PLXNB1: variants seen among roughly 807,000 people sequenced by gnomAD.
PLXNB1 encodes plexin B1, also known as plexin-B1.
PLXNB1 carries 106 observed loss-of-function variants against 209.4 expected under a neutral mutation model. The observed-to-expected ratio is 0.51, with a 90% confidence interval of 0.43 to 0.59. PLXNB1 has a LOEUF of 0.59. Among genes scored for constraint, PLXNB1 ranks in the 20% least tolerant of loss-of-function variants. PLXNB1 has a pLI of 0.00. For synonymous variants in PLXNB1, 1,167 were observed against 1,183.2 expected (o/e 0.99, Z 0.28); for missense variants, 2,357 against 2,853.2 (o/e 0.83, Z 3.96).
chr3:48,416,939 T>C lies in PLXNB1; in HGVS notation c.3375-488A>G, dbSNP rs2038140274. 1 of 152,538 alleles carries C rather than the reference T, an allele frequency of 6.6e-6. No individual in the cohort carries two copies. The highest frequency in any genetic ancestry group is 6.5e-5 in the Admixed American group (1 of 15,304). The allele number at this position is 152,538 out of a possible 1,614,324, so 9.4% of individuals were successfully genotyped here. A position where few individuals can be genotyped will look rare whatever the true frequency, so the allele number is the denominator to read the frequency against. On this transcript the variant is annotated intron_variant, in intron 16 of 37. Transcript: ENST00000296440. The surrounding 1 kb of genome is among the most constrained non-coding windows in gnomAD (Gnocchi z 4.1). Reference sequence around the variant, plus strand: ...AACCATCTAAGAAAATGCTGGTTCTTAGCCAGAAAATAGAAGCTTGGGCAA... The same window carrying C: ...AACCATCTAAGAAAATGCTGGTTCTCAGCCAGAAAATAGAAGCTTGGGCAA...
rs2038148417 is a variant in PLXNB1, at chr3:48,417,073, C to G, written c.3375-622G>C. ...TGACGTGTGAGCCACCCAGGGGAGG[C>G]TCCAGACAGAATATATGCTAATTGC... is the stretch of plus-strand genomic sequence containing the variant. On this transcript the variant is annotated intron_variant, in intron 16 of 37. Transcript: ENST00000296440. The surrounding 1 kb of genome is among the most constrained non-coding windows in gnomAD (Gnocchi z 4.4). 6.6e-6 allele frequency among the ~76,000 whole-genome samples: 1 copy of G among 152,218 alleles called. No homozygotes were observed. Among genetic ancestry groups the G allele is most frequent in the South Asian group, 2.1e-4 (1 of 4,832 alleles).
chr3:48,407,881 C>T (rs2037408430), intron 34 of PLXNB1, among the ~76,000 whole-genome samples: 1 of 152,238 alleles, frequency 6.6e-6, no homozygotes, highest in African/African-American at 2.4e-5. Flanking sequence ...ATAGGGTCTA[C>T]CCTGGAGGTG....
chr3:48,415,001 G>A lies in PLXNB1; in HGVS notation c.4007C>T (p.Thr1336Met), dbSNP rs773563319. Reference sequence around the variant, plus strand: ...GCCTGGGAGGGCAGGTGTGCGGCACGTGATGAGCTGGGAGGAGTTGACATG... The same window carrying A: ...GCCTGGGAGGGCAGGTGTGCGGCACATGATGAGCTGGGAGGAGTTGACATG... ...PCHVNSSQLI[T>M]CRTPALPGLP... Residue 1336 changes from threonine (T) to methionine (M), a missense_variant, in exon 21 of 38, where the codon ACG (threonine) becomes ATG (methionine). By Grantham distance (81) the Thr-to-Met change is moderately conservative (BLOSUM62 -1). Coordinates refer to ENST00000296440, the MANE Select transcript of PLXNB1 (RefSeq NM_001130082.3). This position sits in a 1 kb window ranked among gnomAD's most constrained non-coding sequence, Gnocchi z 5.0. The A allele has an allele frequency of 1.4e-5, 23 of 1,613,478 alleles. No homozygotes were observed. Among genetic ancestry groups the A allele is most frequent in the Admixed American group, 1.7e-5 (1 of 60,012 alleles).
Position 48,420,306 on chromosome 3 carries a change from C to T in PLXNB1, c.2029-49G>A, listed in dbSNP as rs1020111079. The T allele has an allele frequency of 1.4e-5, 16 of 1,151,454 alleles. 1 individual carries two copies. Among genetic ancestry groups the T allele is most frequent in the African/African-American group, 6.1e-5 (4 of 65,342 alleles). 71.3% of individuals were successfully genotyped at this position (1,151,454 alleles called of 1,614,324 possible). ...CAGGAAGGGCCACTCAGCAGGCAGG[C>T]GCGGGACAGGAGGCAGGCAGGCACA... On this transcript the variant is annotated intron_variant, in intron 10 of 37. Transcript: ENST00000296440.
intron 3 of PLXNB1, among the ~76,000 whole-genome samples, chr3:48,423,213 C>A (rs192709077): frequency 9.9e-5 from 15 of 152,270 alleles, no homozygotes; most frequent in African/African-American, 3.1e-4. Flanking sequence ...CATTCTAGGT[C>A]CCTGTCCCTA....
chr3:48,424,622 C>T lies in PLXNB1; in HGVS notation c.-6-5G>A. The T allele has an allele frequency of 6.5e-7, 1 of 1,535,076 alleles. No homozygotes were observed. The highest frequency in any genetic ancestry group is 8.7e-7 in the Non-Finnish European group (1 of 1,145,800). ...GCCCAGAGCAGGCATGGTCACCTGGCAGGAAGAGAGGTCGAGAGAGTGGGG... is the reference window on the plus strand; with the variant it reads ...GCCCAGAGCAGGCATGGTCACCTGGTAGGAAGAGAGGTCGAGAGAGTGGGG... On this transcript the variant is annotated splice_region_variant and splice_polypyrimidine_tract_variant and intron_variant, in intron 2 of 37. Transcript: ENST00000296440.
chr3:48,417,869 C>G lies in PLXNB1; in HGVS notation c.3374+42G>C, dbSNP rs1191840592. On this transcript the variant is annotated intron_variant, in intron 16 of 37. Transcript: ENST00000296440. The surrounding 1 kb of genome is among the most constrained non-coding windows in gnomAD (Gnocchi z 4.4). ...CAAGCAGCAACGCCAACCGCGGAGG[C>G]CCCAGGCTGCGCCGTGCTCCTGCTG... 1 of 1,576,072 alleles carries G rather than the reference C, an allele frequency of 6.3e-7. No homozygotes were observed. Among genetic ancestry groups the G allele is most frequent in the Non-Finnish European group, 8.6e-7 (1 of 1,157,316 alleles).
chr3:48,421,882 C>A, intron 6 of PLXNB1, 76 bp from the exon 7 acceptor site: 1 of 1,535,802 alleles, frequency 6.5e-7, no homozygotes. Flanking sequence ...CTCCTACAAT[C>A]TGGAGGACCT....
Position 48,406,749 on chromosome 3 carries a change from G to C in PLXNB1, c.6228+74C>G. On this transcript the variant is annotated intron_variant, in intron 36 of 37. Transcript: ENST00000296440. This position sits in a 1 kb window ranked among gnomAD's most constrained non-coding sequence, Gnocchi z 4.4. Reference sequence around the variant, plus strand: ...GGTTCCCAAGGGCTTCCCTGCAAAGGGGCAGTGTGAAGGGGGAAGGACCGT... The same window carrying C: ...GGTTCCCAAGGGCTTCCCTGCAAAGCGGCAGTGTGAAGGGGGAAGGACCGT... The C allele has an allele frequency of 6.6e-7, 1 of 1,522,024 alleles. No individual in the cohort carries two copies. The allele number at this position is 1,522,024 out of a possible 1,614,324, so 94.3% of individuals were successfully genotyped here. A position where few individuals can be genotyped will look rare whatever the true frequency, so the allele number is the denominator to read the frequency against.
chr3:48,413,857 G>C lies in PLXNB1; in HGVS notation c.4386+38C>G. ...CACCTGTGAGCAAGGGTTTGGCCCA[G>C]GTCAATGCCCAGCCCGGCCAGGGAC... On this transcript the variant is annotated intron_variant, in intron 22 of 37. Transcript: ENST00000296440. The surrounding 1 kb of genome is among the most constrained non-coding windows in gnomAD (Gnocchi z 5.4). The C allele has an allele frequency of 6.2e-7, 1 of 1,608,648 alleles. No individual in the cohort carries two copies.
At position 48,410,110 on chromosome 3, in the gene PLXNB1, C is replaced by T. The variant is rs761569516; in HGVS notation, c.5606-33G>A. 2 of 1,544,974 alleles carry T rather than the reference C, an allele frequency of 1.3e-6. No individual in the cohort carries two copies. The highest frequency in any genetic ancestry group is 1.8e-6 in the Non-Finnish European group (2 of 1,141,472). ...AAGAGCCCACAGCTGTCACCCCTCC[C>T]CAGGTGCCACCTCCCCAGGCCCCCT... On this transcript the variant is annotated intron_variant, in intron 31 of 37. Coordinates refer to ENST00000296440, the MANE Select transcript of PLXNB1 (RefSeq NM_001130082.3). This position sits in a 1 kb window ranked among gnomAD's most constrained non-coding sequence, Gnocchi z 6.4.
intron 4 of PLXNB1, 83 bp downstream of exon 4, chr3:48,422,682 G>T (rs2038610707): frequency 2.1e-6 from 3 of 1,455,686 alleles, no homozygotes; most frequent in South Asian, 1.3e-5. Flanking sequence ...GGGGTCACAG[G>T]GATAGCTTAA....
At chr3:48,427,124 T>A (rs1481556493) in intron 1 of PLXNB1, among the ~76,000 whole-genome samples, 1 of 151,782 alleles carries the variant, frequency 6.6e-6, no homozygotes, top group African/African-American at 2.4e-5. Context: ...CCACTCCCCA[T>A]ATGTGAAATC....
At position 48,412,555 on chromosome 3, in the gene PLXNB1, C is replaced by A; in HGVS notation, c.4920G>T (p.Leu1640=). 1 of 1,613,646 alleles carries A rather than the reference C, an allele frequency of 6.2e-7. No homozygotes were observed. The highest frequency in any genetic ancestry group is 2.2e-5 in the East Asian group (1 of 44,876). Residue 1640 remains leucine, a synonymous_variant, in exon 26 of 38, where the codon CTG becomes CTT. Coordinates refer to ENST00000296440, the MANE Select transcript of PLXNB1 (RefSeq NM_001130082.3). ...GCTTCCCATGCAGTGCCACGGTGAG[C>A]AGAGATGCCACGTAGGCACGGTCCC... ...SARDRAYVAS[L]LTVALHGKLE... is the part of the protein sequence containing the mutation.
rs769284710 is a variant in PLXNB1, at chr3:48,409,544, C to T, written c.5939+27G>A. 1.2e-6 allele frequency: 2 copies of T among 1,613,766 alleles called. No individual in the cohort carries two copies. Among genetic ancestry groups the T allele is most frequent in the Non-Finnish European group, 1.7e-6 (2 of 1,179,746 alleles). On this transcript the variant is annotated intron_variant, in intron 33 of 37. Transcript: ENST00000296440. This position sits in a 1 kb window ranked among gnomAD's most constrained non-coding sequence, Gnocchi z 5.8. The stretch of plus-strand genomic sequence containing the variant: ...CAGAAGAGAAGACCCCCCACACACA[C>T]CTAGAGCCCACCCAGCTCCACCCCA...
rs1271626324 is a variant in PLXNB1 at position 48,405,361 on chromosome 3, G to A, written c.6303+363C>T. 7.9e-5 allele frequency among the ~76,000 whole-genome samples: 12 copies of A among 152,268 alleles called. No homozygotes were observed. Among genetic ancestry groups the A allele is most frequent in the African/African-American group, 2.4e-5 (1 of 41,556 alleles). ...GCCCTGTGCCTGGACTCTCCTCTTC[G>A]CAGCTCATGCAGCCAAGCCAGGCCT... On this transcript the variant is annotated intron_variant, in intron 37 of 37. Coordinates refer to ENST00000296440, the MANE Select transcript of PLXNB1 (RefSeq NM_001130082.3). The surrounding 1 kb of genome is among the most constrained non-coding windows in gnomAD (Gnocchi z 5.0).
In PLXNB1 at chr3:48,409,773, C is replaced by T. The variant is rs1190671802; in HGVS notation, c.5779-42G>A. On this transcript the variant is annotated intron_variant, in intron 32 of 37. Coordinates refer to ENST00000296440, the MANE Select transcript of PLXNB1 (RefSeq NM_001130082.3). This position sits in a 1 kb window ranked among gnomAD's most constrained non-coding sequence, Gnocchi z 5.8. ...GCAGAGAGGTGTGGTCAGCAAAGGG[C>T]CCTCAGCAGCAGCCCAGCCTCAGAC... 1.3e-6 allele frequency: 2 copies of T among 1,599,866 alleles called. No individual in the cohort carries two copies. The highest frequency in any genetic ancestry group is 1.7e-6 in the Non-Finnish European group (2 of 1,171,426).
chr3:48,407,257 C>T (rs1303698027), intron 34 of PLXNB1, among the ~76,000 whole-genome samples, 166 bp from the exon 35 acceptor site: 4 of 152,056 alleles, frequency 2.6e-5, no homozygotes, highest in African/African-American at 7.3e-5. Flanking sequence ...AGGTGGTCAC[C>T]CTCGCCTACT....
chr3:48,423,861 C>T lies in PLXNB1; in HGVS notation c.751G>A (p.Val251Met), dbSNP rs1426223329. The T allele has an allele frequency of 6.2e-7, 1 of 1,614,048 alleles. No individual in the cohort carries two copies. The highest frequency in any genetic ancestry group is 1.7e-5 in the Admixed American group (1 of 60,032). ...TAGTAGTGCTGGTCCCGGAGACACA[C>T]TCGAGATACATAGGCACGAAAAGCT... ...SRAFRAYVSR[V>M]CLRDQHYYSY... The change falls in exon 3 of 38, where the codon GTG becomes ATG. Residue 251 changes from valine to methionine, a missense_variant. By Grantham distance (21) the Val-to-Met change is conservative. Transcript: ENST00000296440.
Sources: allele counts gnomAD v4.1 joint callset (sites outside exome capture counted in the v4.1 genomes callset), GRCh38; gene constraint gnomAD v4.1.1; non-coding constraint Gnocchi (gnomAD v3.1); transcripts MANE v1.5; gene names NCBI Gene and HGNC (gene_info 2026-07-23, HGNC 2026-07-21).